The following GRID2 variants were observed in gnomAD, a reference collection of about 807,000 sequenced individuals.
GRID2 encodes the protein glutamate ionotropic receptor delta type subunit 2.
In GRID2, 33 loss-of-function variants were observed where a neutral mutation model predicts 114.8. The ratio of observed to expected loss-of-function variants is 0.29; its 90% confidence interval spans 0.22 to 0.38. The LOEUF (loss-of-function observed/expected upper bound fraction) is 0.38, where lower values mean the gene tolerates loss of function less well. Among genes scored for constraint, GRID2 ranks in the 10% least tolerant of loss-of-function variants. The pLI is 1.00. For missense variants in GRID2, 1,184 were observed against 1,257.7 expected (o/e 0.94, Z 0.89); for synonymous variants, 505 against 449.9 (o/e 1.12, Z -1.55).
At chr4:92,801,989 T>G (rs1377146779) in intron 2 of GRID2, among the ~76,000 whole-genome samples, 1 of 151,896 alleles carries the variant, frequency 6.6e-6, no homozygotes. Context: ...ACCACATTGT[T>G]TTTTTTAAAA....
At chr4:92,403,911 T>C (rs1257036477) in intron 1 of GRID2, among the ~76,000 whole-genome samples, 2 of 152,064 alleles carry the variant, frequency 1.3e-5, no homozygotes, top group Non-Finnish European at 2.9e-5. Context: ...ATAATATTTA[T>C]CTATTAAGTT....
chr4:92,604,549 A>T (rs931406686), intron 2 of GRID2, among the ~76,000 whole-genome samples: 2 of 151,936 alleles, frequency 1.3e-5, no homozygotes, highest in Non-Finnish European at 2.9e-5. Context: ...ATGGAGAGAG[A>T]AAGCATCAGG....
At chr4:93,595,864 T>A (rs1001675119) in intron 13 of GRID2, among the ~76,000 whole-genome samples, 1 of 152,236 alleles carries the variant, frequency 6.6e-6, no homozygotes, top group Non-Finnish European at 1.5e-5. Flanking sequence ...TAATAACAAT[T>A]TCTACCTACC....
intron 11 of GRID2, among the ~76,000 whole-genome samples, chr4:93,465,857 A>G (rs1724215321): frequency 6.6e-6 from 1 of 152,230 alleles, no homozygotes; most frequent in African/African-American, 2.4e-5. Context: ...ATGTCATTCA[A>G]GTAAATATGA....
At position 92,539,299 on chromosome 4, in the gene GRID2, C is replaced by A. The variant is rs1417453799; in HGVS notation, c.89-50832C>A. Among the ~76,000 whole-genome samples the A allele has an allele frequency of 2.0e-5, 3 of 152,012 alleles. No individual in the cohort carries two copies. The East Asian group carries it at 5.8e-4, about 29-fold the overall frequency. ...ACTATCTTAAATTTACACAGAGAAA[C>A]ATGTTGTGTCTGTAAATTTATTACT... On this transcript the variant is annotated intron_variant, in intron 1 of 15. Transcript: ENST00000282020.
intron 2 of GRID2, among the ~76,000 whole-genome samples, chr4:92,863,767 T>C (rs1044618118): frequency 5.3e-5 from 8 of 152,124 alleles, no homozygotes; most frequent in Non-Finnish European, 1.2e-4. Flanking sequence ...GTTTTGCTAT[T>C]GTTAGGTCAC....
exon 2 of GRID2, chr4:93,807,397 T>C (rs1735053685): frequency 6.6e-6 from 1 of 151,722 alleles, no homozygotes; most frequent in Non-Finnish European, 1.5e-5. Flanking sequence ...TCTTTGGAGG[T>C]TTTATCACAG....
At chr4:93,109,629 A>G (rs533629931) in intron 3 of GRID2, among the ~76,000 whole-genome samples, 1 of 152,214 alleles carries the variant, frequency 6.6e-6, no homozygotes, top group South Asian at 2.1e-4. Flanking sequence ...GATCTAGTCT[A>G]TTCATAAGTT....
At chr4:93,445,543 A>G (rs1175144872) in intron 10 of GRID2, among the ~76,000 whole-genome samples, 1 of 151,974 alleles carries the variant, frequency 6.6e-6, no homozygotes, top group Non-Finnish European at 1.5e-5. Context: ...TAAAAGTTTC[A>G]CTTTTATGTT....
At chr4:93,704,625 C>G (rs574494522) in intron 14 of GRID2, among the ~76,000 whole-genome samples, 1 of 152,284 alleles carries the variant, frequency 6.6e-6, no homozygotes, top group East Asian at 1.9e-4. Context: ...CCTCCCCAGC[C>G]TCTGGTAACC....
intron 4 of GRID2, among the ~76,000 whole-genome samples, chr4:93,161,677 TA>T (rs969357895): frequency 1.1e-4 from 16 of 151,966 alleles, no homozygotes; most frequent in African/African-American, 3.9e-4. Context: ...ATAACAATTT[TA>T]AAAATGTGTA....
chr4:93,225,654 A>G (rs1745400738), intron 7 of GRID2, among the ~76,000 whole-genome samples: 1 of 152,200 alleles, frequency 6.6e-6, no homozygotes, highest in African/African-American at 2.4e-5. Flanking sequence ...AAAAAGTCAG[A>G]GTAAAATATA....
chr4:93,228,858 G>A (rs897599413), intron 7 of GRID2, among the ~76,000 whole-genome samples: 5 of 152,110 alleles, frequency 3.3e-5, no homozygotes, highest in African/African-American at 1.2e-4. Flanking sequence ...GAGAGGATCA[G>A]GAGGAAGGAA....
At chr4:92,834,107 G>C (rs1411250275) in intron 2 of GRID2, 1 of 152,064 alleles carries the variant, frequency 6.6e-6, no homozygotes, top group Non-Finnish European at 1.5e-5. Context: ...TTTATTCCTT[G>C]TCGGTGTCAA....
At chr4:93,035,232 A>C (rs1411200712) in intron 2 of GRID2, among the ~76,000 whole-genome samples, 1 of 151,848 alleles carries the variant, frequency 6.6e-6, no homozygotes, top group African/African-American at 2.4e-5. Context: ...CAGCCTCCCA[A>C]GTAGCTGGGA....
At chr4:92,905,634 T>A (rs1341568144) in intron 2 of GRID2, among the ~76,000 whole-genome samples, 3 of 148,442 alleles carry the variant, frequency 2.0e-5, no homozygotes, top group South Asian at 4.2e-4. Context: ...ATGAGGAAAT[T>A]AATTTTTTAA....
Position 93,655,386 on chromosome 4 carries a change from A to G in GRID2, c.2360+28951A>G, listed in dbSNP as rs781420245. Among the ~76,000 whole-genome samples the G allele has an allele frequency of 6.6e-5, 10 of 152,260 alleles. No individual in the cohort carries two copies. The South Asian group carries it at 8.3e-4, about 13-fold the overall frequency. ...TGCTTCACTTCATATGTTTCTCCAC[A>G]TATTTTCCTAAAGTAATATTCAAGA... On this transcript the variant is annotated intron_variant, in intron 14 of 15. Coordinates refer to ENST00000282020, the MANE Select transcript of GRID2 (RefSeq NM_001510.4).
At chr4:92,846,702 A>G (rs889879067) in intron 2 of GRID2, among the ~76,000 whole-genome samples, 13 of 152,080 alleles carry the variant, frequency 8.5e-5, no homozygotes, top group African/African-American at 1.4e-4. Flanking sequence ...GGGAAGATGA[A>G]GTGACGTGAA....
chr4:93,301,053 T>C lies in GRID2; in HGVS notation c.1245+62563T>C, dbSNP rs1560474200. 2.6e-5 allele frequency among the ~76,000 whole-genome samples: 4 copies of C among 152,356 alleles called. No individual in the cohort carries two copies. The South Asian group carries it at 6.2e-4, about 24-fold the overall frequency. ...CGGGCCTGACACCGGGCTGCCTGTC[T>C]TTGGTTTTACTGCCTTGTTGTTTTT... On this transcript the variant is annotated intron_variant, in intron 8 of 15. Transcript: ENST00000282020.
Sources: allele counts gnomAD v4.1 joint callset (sites outside exome capture counted in the v4.1 genomes callset), GRCh38; gene constraint gnomAD v4.1.1; transcripts MANE v1.5; gene names NCBI Gene and HGNC (gene_info 2026-07-23, HGNC 2026-07-21).